RNLS: variants seen among roughly 807,000 people sequenced by gnomAD.
RNLS encodes the protein renalase, FAD dependent amine oxidase.
RNLS carries 39 observed loss-of-function variants against 39.8 expected under a neutral mutation model. The ratio of observed to expected loss-of-function variants is 0.98; its 90% CI spans 0.76 to 1.28. The LOEUF is 1.28. Among genes scored for constraint, RNLS ranks in the 50% most tolerant of loss-of-function variants. RNLS has a pLI of 0.00. For synonymous variants in RNLS, 147 were observed against 150.7 expected (o/e 0.98, Z 0.18); for missense variants, 410 against 413.3 (o/e 0.99, Z 0.07).
downstream of RNLS, among the ~76,000 whole-genome samples, chr10:88,281,738 A>T (rs1589451311): frequency 6.6e-6 from 1 of 152,278 alleles, no homozygotes; most frequent in East Asian, 1.9e-4. Flanking sequence ...TCCCTCTGGG[A>T]TGGCTTCCAG....
chr10:88,317,242 T>C (rs1354658883), intron 5 of RNLS, among the ~76,000 whole-genome samples: 1 of 152,210 alleles, frequency 6.6e-6, no homozygotes, highest in Non-Finnish European at 1.5e-5. Flanking sequence ...CCCTGTAATC[T>C]TGGACAACTT....
chr10:88,448,163 C>A (rs1380028654), intron 4 of RNLS, among the ~76,000 whole-genome samples: 2 of 152,134 alleles, frequency 1.3e-5, no homozygotes, highest in Non-Finnish European at 2.9e-5. Flanking sequence ...CAAATGGGAT[C>A]TAATTAAACT....
the RNLS span, among the ~76,000 whole-genome samples, chr10:88,232,708 A>G: frequency 6.6e-6 from 1 of 152,234 alleles, no homozygotes; most frequent in African/African-American, 2.4e-5. Context: ...GCAAGACTGA[A>G]TGGGGCAGGG....
intron 4 of RNLS, among the ~76,000 whole-genome samples, chr10:88,364,037 GA>G (rs1849847298): frequency 6.6e-6 from 1 of 152,114 alleles, no homozygotes; most frequent in Non-Finnish European, 1.5e-5. Flanking sequence ...TTGAGGTGGG[GA>G]AAGAAGACAT....
chr10:88,307,571 A>G (rs779857005), intron 6 of RNLS, among the ~76,000 whole-genome samples: 4 of 152,194 alleles, frequency 2.6e-5, no homozygotes, highest in Non-Finnish European at 5.9e-5. Context: ...ATGCAATCCC[A>G]TTCACAATTG....
At chr10:88,391,506 C>T (rs2133579958) in intron 4 of RNLS, among the ~76,000 whole-genome samples, 1 of 152,240 alleles carries the variant, frequency 6.6e-6, no homozygotes, top group South Asian at 2.1e-4. Flanking sequence ...TGCAGTAAGC[C>T]AAGGTCGCGC....
chr10:88,275,168 T>C (rs375382915), intron 6 of RNLS: 7 of 590,626 alleles, frequency 1.2e-5, no homozygotes, highest in South Asian at 5.8e-5. Context: ...TCTGGCTCTA[T>C]AGGTGGTCTT....
intron 4 of RNLS, among the ~76,000 whole-genome samples, chr10:88,509,602 T>C (rs753113089): frequency 2.4e-4 from 36 of 151,748 alleles, no homozygotes; most frequent in Non-Finnish European, 7.4e-5. Context: ...TGCCACAAAA[T>C]GGTTAAGTTG....
At chr10:88,204,390 C>A in the RNLS span, among the ~76,000 whole-genome samples, 1 of 152,086 alleles carries the variant, frequency 6.6e-6, no homozygotes, top group African/African-American at 2.4e-5. Context: ...TATGCAGTTG[C>A]AGGATAGGTG....
At chr10:88,569,673 T>C (rs1202414289) in intron 4 of RNLS, among the ~76,000 whole-genome samples, 14 of 152,104 alleles carry the variant, frequency 9.2e-5, no homozygotes, top group Admixed American at 9.2e-4. Flanking sequence ...CATAAACAAC[T>C]AGTATTTTAA....
the RNLS span, among the ~76,000 whole-genome samples, chr10:88,246,926 GT>G: frequency 2.0e-5 from 3 of 152,200 alleles, no homozygotes; most frequent in Admixed American, 6.5e-5. Flanking sequence ...AATCTGACAT[GT>G]GTTTTGACTA....
rs191857003 is a variant in RNLS at position 88,437,795 on chromosome 10, C to A, written c.527-75070G>T. Among the ~76,000 whole-genome samples the A allele has an allele frequency of 6.6e-5, 10 of 152,202 alleles. No individual in the cohort carries two copies. The East Asian group carries it at 1.5e-3, about 24-fold the overall frequency. ...CCAATGAGATGTGAGGGAAAATCTG[C>A]TGGGTGCTTCTGGGAAAGGTTTCTC... On this transcript the variant is annotated intron_variant, in intron 4 of 6. Transcript: ENST00000331772.
chr10:88,579,490 C>T (rs1477296065), intron 3 of RNLS, among the ~76,000 whole-genome samples: 1 of 151,988 alleles, frequency 6.6e-6, no homozygotes, highest in African/African-American at 2.4e-5. Flanking sequence ...GAATGCAAGG[C>T]CAGAGATAGG....
chr10:88,493,186 T>C (rs1297221575), intron 4 of RNLS, among the ~76,000 whole-genome samples: 1 of 152,166 alleles, frequency 6.6e-6, no homozygotes, highest in Admixed American at 6.5e-5. Flanking sequence ...TATGAAAATC[T>C]GGTGCATATT....
At chr10:88,243,188 C>T in the RNLS span, among the ~76,000 whole-genome samples, 2 of 152,236 alleles carry the variant, frequency 1.3e-5, no homozygotes, top group Non-Finnish European at 1.5e-5. Context: ...TTTAAGTTAA[C>T]TTGCATGCTA....
chr10:88,258,500 C>T, the RNLS span, among the ~76,000 whole-genome samples: 1 of 152,154 alleles, frequency 6.6e-6, no homozygotes, highest in Non-Finnish European at 1.5e-5. Flanking sequence ...ATTAATATTA[C>T]CTTCCCCCTA....
intron 5 of RNLS, among the ~76,000 whole-genome samples, chr10:88,331,874 C>CA (rs548473280): frequency 2.7e-4 from 41 of 151,782 alleles, no homozygotes; most frequent in Middle Eastern, 3.4e-3. Context: ...GTAAGTCCAA[C>CA]AAAAAAAATC....
chr10:88,184,046 T>C, the RNLS span, among the ~76,000 whole-genome samples: 2 of 152,112 alleles, frequency 1.3e-5, no homozygotes, highest in African/African-American at 4.8e-5. Flanking sequence ...AGTGTTCTGG[T>C]AGTGGTGTTT....
chr10:88,256,306 C>T, the RNLS span, among the ~76,000 whole-genome samples: 8 of 152,224 alleles, frequency 5.3e-5, no homozygotes, highest in African/African-American at 1.9e-4. Context: ...GCTCGGTTTA[C>T]GGTTCCAGTG....
Sources: allele counts gnomAD v4.1 joint callset (sites outside exome capture counted in the v4.1 genomes callset), GRCh38; gene constraint gnomAD v4.1.1; transcripts MANE v1.5; gene names NCBI Gene and HGNC (gene_info 2026-07-23, HGNC 2026-07-21).